EFCAB11: variants seen among roughly 807,000 people sequenced by gnomAD.
EFCAB11 encodes the protein EF-hand calcium-binding domain-containing protein 11.
In EFCAB11, 14 loss-of-function variants were observed where a neutral mutation model predicts 23.0. The observed-to-expected ratio is 0.61, with a 90% CI of 0.40 to 0.95. The LOEUF is 0.95. EFCAB11 is among the 40% of genes least tolerant of loss of function. The pLI is 0.00. For missense variants in EFCAB11, 198 were observed against 195.8 expected (o/e 1.01, Z -0.07); for synonymous variants, 65 against 66.6 (o/e 0.98, Z 0.11).
intron 3 of EFCAB11, among the ~76,000 whole-genome samples, chr14:89,934,780 T>A (rs1385871523): frequency 2.0e-5 from 3 of 152,202 alleles, no homozygotes; most frequent in African/African-American, 7.2e-5. Context: ...CATGTGCCCA[T>A]AAGATCATAT....
At chr14:89,868,716 A>G (rs1466965403) in intron 5 of EFCAB11, among the ~76,000 whole-genome samples, 1 of 152,242 alleles carries the variant, frequency 6.6e-6, no homozygotes, top group Non-Finnish European at 1.5e-5. Flanking sequence ...CCAAATAAAG[A>G]CAAATCAGCA....
At chr14:89,840,154 G>C (rs1392903233) in intron 5 of EFCAB11, among the ~76,000 whole-genome samples, 3 of 152,130 alleles carry the variant, frequency 2.0e-5, no homozygotes, top group Non-Finnish European at 4.4e-5. Context: ...GTATATTCAA[G>C]TTTCTCAATA....
At chr14:89,931,660 T>G in intron 4 of EFCAB11, 29 bp from the exon 5 acceptor site, 1 of 1,591,714 alleles carries the variant, frequency 6.3e-7, no homozygotes, top group Non-Finnish European at 8.6e-7. Context: ...AAATATTCAC[T>G]TACTTTAATA....
intron 5 of EFCAB11, among the ~76,000 whole-genome samples, chr14:89,835,034 G>A (rs560089679): frequency 6.6e-6 from 1 of 152,238 alleles, no homozygotes; most frequent in African/African-American, 2.4e-5. Flanking sequence ...ACTGCAGAGG[G>A]AAGCAGAAAG....
chr14:89,819,256 A>T (rs989040322), intron 5 of EFCAB11, among the ~76,000 whole-genome samples: 3 of 152,226 alleles, frequency 2.0e-5, no homozygotes, highest in African/African-American at 7.2e-5. Flanking sequence ...CAAAACAAGT[A>T]CATATTATAT....
intron 5 of EFCAB11, among the ~76,000 whole-genome samples, chr14:89,857,692 AGAAACTGG>A (rs1887797468): frequency 6.6e-6 from 1 of 152,234 alleles, no homozygotes; most frequent in African/African-American, 2.4e-5. Flanking sequence ...CAGTTCATCT[AGAAACTGG>A]GCAGCTTTCT....
intron 2 of EFCAB11, among the ~76,000 whole-genome samples, chr14:89,951,468 ATCTCT>A (rs762731720): frequency 6.6e-5 from 10 of 151,876 alleles, no homozygotes; most frequent in Non-Finnish European, 1.3e-4. Context: ...TTGTTTTTCA[ATCTCT>A]TCTCTTTCTT....
intron 3 of EFCAB11, among the ~76,000 whole-genome samples, chr14:89,946,918 CT>C (rs1190362124): frequency 6.6e-6 from 1 of 151,652 alleles, no homozygotes; most frequent in Admixed American, 6.6e-5. Context: ...TCATATGTGT[CT>C]TTTTTTTCCC....
chr14:89,870,780 A>C (rs1888242184), intron 5 of EFCAB11, among the ~76,000 whole-genome samples: 1 of 151,358 alleles, frequency 6.6e-6, no homozygotes, highest in African/African-American at 2.4e-5. Context: ...AAAAAAAAAA[A>C]AAAAAAAAAA....
intron 5 of EFCAB11, among the ~76,000 whole-genome samples, chr14:89,844,936 G>T (rs989309822): frequency 1.3e-5 from 2 of 151,982 alleles, no homozygotes; most frequent in Admixed American, 6.6e-5. Flanking sequence ...ATCTCGCACT[G>T]TGGGTGTGTT....
intron 5 of EFCAB11, among the ~76,000 whole-genome samples, chr14:89,857,159 C>A (rs1044867679): frequency 6.6e-6 from 1 of 152,224 alleles, no homozygotes; most frequent in Non-Finnish European, 1.5e-5. Flanking sequence ...ATCTTTCTTA[C>A]AGAGAAAAAG....
rs148067487 is a variant in EFCAB11 at position 89,809,440 on chromosome 14, T to C, written c.411-12116A>G. Among the ~76,000 whole-genome samples, 812 of 152,040 alleles carry C rather than the reference T, an allele frequency of 5.3e-3. 8 individuals are homozygous for C. The highest frequency in any genetic ancestry group is 0.019 in the African/African-American group (781 of 41,370). On this transcript the variant is annotated intron_variant, in intron 5 of 5. Transcript: ENST00000316738. ...TGCCCATTATCTAGTTTCTCCTGCC[T>C]CCAGGCAGGGCCACATCATTGATTA...
chr14:89,831,126 G>A (rs1234023302), intron 5 of EFCAB11: 1 of 152,510 alleles, frequency 6.6e-6, no homozygotes, highest in Non-Finnish European at 1.5e-5. Context: ...ACACAGTGGA[G>A]GTGCTGAGAG....
chr14:89,953,854 C>A, intron 2 of EFCAB11, 52 bp downstream of exon 2: 1 of 1,451,002 alleles, frequency 6.9e-7, no homozygotes, highest in South Asian at 1.2e-5. Context: ...TTCTTAGGAT[C>A]CATTCACCTT....
chr14:89,880,928 A>G (rs1417566937), intron 5 of EFCAB11, among the ~76,000 whole-genome samples: 1 of 152,150 alleles, frequency 6.6e-6, no homozygotes, highest in Admixed American at 6.5e-5. Context: ...GTGCTTCTGC[A>G]TCTCATCTTC....
intron 5 of EFCAB11, among the ~76,000 whole-genome samples, chr14:89,903,518 C>T (rs1037232165): frequency 1.3e-5 from 2 of 150,962 alleles, no homozygotes; most frequent in Non-Finnish European, 2.9e-5. Flanking sequence ...TAAGCAAAGG[C>T]TGTTTTGCTA....
chr14:89,864,054 CTACT>C (rs1428915869), intron 5 of EFCAB11, among the ~76,000 whole-genome samples: 2 of 152,194 alleles, frequency 1.3e-5, no homozygotes, highest in African/African-American at 4.8e-5. Context: ...ATGAGGAACA[CTACT>C]TAATTTTTAA....
At chr14:89,908,823 G>C (rs112016527) in intron 5 of EFCAB11, among the ~76,000 whole-genome samples, 32 of 152,268 alleles carry the variant, frequency 2.1e-4, no homozygotes, top group Admixed American at 1.4e-3. Context: ...TTCCCTCAGC[G>C]GCAGGTTTGT....
At chr14:89,797,438 T>C (rs934547655) in intron 5 of EFCAB11, 114 bp from the exon 6 acceptor site, 2 of 873,358 alleles carry the variant, frequency 2.3e-6, no homozygotes, top group Non-Finnish European at 3.5e-6. Flanking sequence ...GAACCTATTT[T>C]ATCTACTTGA....
Sources: allele counts gnomAD v4.1 joint callset (sites outside exome capture counted in the v4.1 genomes callset), GRCh38; gene constraint gnomAD v4.1.1; transcripts MANE v1.5; gene names NCBI Gene and HGNC (gene_info 2026-07-23, HGNC 2026-07-21).